The following PLCB4 variants were observed in gnomAD, a reference collection of about 807,000 sequenced individuals.
The protein encoded by PLCB4 is phospholipase C beta 4.
PLCB4 carries 77 observed loss-of-function variants against 178.8 expected under a neutral mutation model. The observed-to-expected ratio is 0.43, with a 90% confidence interval of 0.36 to 0.52. The LOEUF (loss-of-function observed/expected upper bound fraction) is 0.52, where lower values mean the gene tolerates loss of function less well. Ranked by LOEUF, PLCB4 falls within the 20% of genes least tolerant of loss-of-function variation. The pLI, the probability that PLCB4 is intolerant of heterozygous loss-of-function variation, is 0.00. For missense variants in PLCB4, 1,024 were observed against 1,453.4 expected (o/e 0.70, Z 4.80); for synonymous variants, 496 against 490.8 (o/e 1.01, Z -0.14).
chr20:9,272,059 TC>T (rs935250609), intron 3 of PLCB4, among the ~76,000 whole-genome samples: 1 of 151,446 alleles, frequency 6.6e-6, no homozygotes, highest in Non-Finnish European at 1.5e-5. Flanking sequence ...CACCTAATAG[TC>T]CCAGCTACTC....
chr20:9,426,302 G>A (rs1205769549), intron 28 of PLCB4, among the ~76,000 whole-genome samples: 5 of 152,166 alleles, frequency 3.3e-5, no homozygotes, highest in Non-Finnish European at 7.3e-5. Context: ...AGAACACAGA[G>A]GATCAAATGA....
intron 3 of PLCB4, among the ~76,000 whole-genome samples, chr20:9,241,669 G>C (rs1004696671): frequency 6.6e-6 from 1 of 152,156 alleles, no homozygotes; most frequent in African/African-American, 2.4e-5. Flanking sequence ...AATAAGGAGA[G>C]CTCCTTCCCT....
intron 32 of PLCB4, among the ~76,000 whole-genome samples, chr20:9,451,282 A>T (rs1161437020): frequency 6.6e-6 from 1 of 152,156 alleles, no homozygotes; most frequent in Non-Finnish European, 1.5e-5. Flanking sequence ...TTTTCTTAGG[A>T]AAAAAATCTG....
chr20:9,154,905 C>CTCCTTCCTTCCTTCCTTCCTTCCT (rs771256316), intron 2 of PLCB4, among the ~76,000 whole-genome samples: 16 of 62,422 alleles, frequency 2.6e-4, no homozygotes, highest in East Asian at 2.3e-3. Context: ...CCCTCCTTCC[C>CTCCTTCCTTCCTTCCTTCCTTCCT]TCCTTCCTTC....
chr20:9,321,951 T>TC (rs1491481267), intron 4 of PLCB4, among the ~76,000 whole-genome samples: 2 of 125,316 alleles, frequency 1.6e-5, no homozygotes, highest in Non-Finnish European at 3.4e-5. Flanking sequence ...TTTTTCTTTT[T>TC]CTTTTTTTTT....
chr20:9,342,913 T>A (rs1162950646), intron 7 of PLCB4, among the ~76,000 whole-genome samples: 1 of 152,190 alleles, frequency 6.6e-6, no homozygotes, highest in East Asian at 1.9e-4. Flanking sequence ...TGCCCTTTCT[T>A]TCCACAAGAT....
At chr20:9,102,125 A>T (rs556409538) in intron 2 of PLCB4, among the ~76,000 whole-genome samples, 1 of 152,304 alleles carries the variant, frequency 6.6e-6, no homozygotes, top group African/African-American at 2.4e-5. Context: ...GATTACAGGC[A>T]TGAGCCACCG....
At chr20:9,199,189 A>G (rs2093510695) in intron 2 of PLCB4, among the ~76,000 whole-genome samples, 1 of 152,160 alleles carries the variant, frequency 6.6e-6, no homozygotes, top group African/African-American at 2.4e-5. Flanking sequence ...TTTTGGAACT[A>G]TAGGATTCAA....
chr20:9,413,150 G>T (rs1053261749), intron 25 of PLCB4, among the ~76,000 whole-genome samples: 2 of 152,184 alleles, frequency 1.3e-5, no homozygotes, highest in South Asian at 4.1e-4. Flanking sequence ...TACAGGACCC[G>T]TCGGGCATGG....
At chr20:9,380,963 G>A (rs1157061832) in intron 13 of PLCB4, among the ~76,000 whole-genome samples, 1 of 152,124 alleles carries the variant, frequency 6.6e-6, no homozygotes, top group Non-Finnish European at 1.5e-5. Flanking sequence ...TAATGCCAGT[G>A]AGTGTGGTTG....
At chr20:9,101,358 G>C (rs368967695) in intron 2 of PLCB4, among the ~76,000 whole-genome samples, 2 of 152,112 alleles carry the variant, frequency 1.3e-5, no homozygotes, top group East Asian at 3.9e-4. Flanking sequence ...AAGTGAACCT[G>C]AGTCTAAATC....
chr20:9,459,423 T>C (rs2043255435), intron 34 of PLCB4, among the ~76,000 whole-genome samples: 1 of 152,182 alleles, frequency 6.6e-6, no homozygotes, highest in Non-Finnish European at 1.5e-5. Flanking sequence ...CAGTTAACTA[T>C]TCAGAGCCAA....
chr20:9,376,604 C>T (rs569295003), intron 12 of PLCB4, among the ~76,000 whole-genome samples: 1 of 152,136 alleles, frequency 6.6e-6, no homozygotes, highest in Non-Finnish European at 1.5e-5. Context: ...ACTACTGGCT[C>T]AATTGCTTGT....
chr20:9,131,945 C>A (rs568396435), intron 2 of PLCB4, among the ~76,000 whole-genome samples: 1 of 152,082 alleles, frequency 6.6e-6, no homozygotes, highest in African/African-American at 2.4e-5. Context: ...TCGATAGAGA[C>A]CCTGAATGAT....
At chr20:9,332,203 G>T (rs1394301236) in intron 4 of PLCB4, among the ~76,000 whole-genome samples, 1 of 152,084 alleles carries the variant, frequency 6.6e-6, no homozygotes, top group Admixed American at 6.6e-5. Context: ...GATCTCCCCT[G>T]CAGGGCCCAG....
chr20:9,112,211 G>C (rs1201649879), intron 2 of PLCB4, among the ~76,000 whole-genome samples: 1 of 151,118 alleles, frequency 6.6e-6, no homozygotes, highest in East Asian at 1.9e-4. Context: ...TTTGTGAACA[G>C]TGTTTAGATA....
intron 12 of PLCB4, among the ~76,000 whole-genome samples, chr20:9,373,884 T>A (rs1861740772): frequency 6.6e-6 from 1 of 152,246 alleles, no homozygotes; most frequent in Admixed American, 6.5e-5. Flanking sequence ...ATCAAGACTC[T>A]TGTTAATCCA....
intron 2 of PLCB4, among the ~76,000 whole-genome samples, chr20:9,130,523 T>C (rs1268829021): frequency 6.6e-6 from 1 of 152,194 alleles, no homozygotes; most frequent in African/African-American, 2.4e-5. Context: ...CTACAGAAAA[T>C]AGACAGTAAT....
intron 3 of PLCB4, among the ~76,000 whole-genome samples, chr20:9,265,250 AGGC>A (rs531527854): frequency 4.0e-4 from 61 of 152,228 alleles, no homozygotes; most frequent in Admixed American, 9.8e-4. Context: ...TGGGAGCTCA[AGGC>A]AGATGGATCA....
Sources: gnomAD v4.1 joint callset for allele counts (sites outside exome capture counted in the v4.1 genomes callset) on GRCh38, gnomAD v4.1.1 for gene constraint, MANE v1.5 for transcripts, NCBI Gene and HGNC (gene_info 2026-07-23, HGNC 2026-07-21) for gene names.